The following TFF2 variants were observed in gnomAD, a reference collection of about 807,000 sequenced individuals.
The protein encoded by TFF2 is trefoil factor 2.
TFF2 carries 19 observed loss-of-function variants against 16.0 expected under a neutral mutation model. That is an observed-to-expected ratio of 1.19 (90% CI 0.83 to 1.74). The LOEUF is 1.74. TFF2 is among the 40% of genes most tolerant of loss of function. The probability of loss-of-function intolerance (pLI) is 0.00; values close to 1 mark genes in which losing one functional copy is unlikely to be tolerated. For missense variants in TFF2, 168 were observed against 166.8 expected (o/e 1.01, Z -0.04); for synonymous variants, 61 against 65.4 (o/e 0.93, Z 0.32).
At chr21:42,348,532 G>C (rs1196216853) in intron 2 of TFF2, among the ~76,000 whole-genome samples, 1 of 152,148 alleles carries the variant, frequency 6.6e-6, no homozygotes, top group East Asian at 1.9e-4. Context: ...AGGGTAGGTG[G>C]GAAATTTTCA....
chr21:42,347,718 G>A, intron 2 of TFF2, 86 bp from the exon 3 acceptor site: 1 of 1,518,442 alleles, frequency 6.6e-7, no homozygotes, highest in Non-Finnish European at 8.9e-7. Context: ...TGAGAGCAGC[G>A]CTGATTTGCA....
intron 3 of TFF2, among the ~76,000 whole-genome samples, chr21:42,347,158 T>G (rs866243509): frequency 2.3e-4 from 35 of 152,184 alleles, no homozygotes; most frequent in African/African-American, 8.4e-4. Flanking sequence ...AGACACTCAG[T>G]AGCCTCCAAA....
chr21:42,349,743 G>A (rs2052100748), intron 2 of TFF2, 138 bp downstream of exon 2: 4 of 874,944 alleles, frequency 4.6e-6, no homozygotes, highest in Non-Finnish European at 1.7e-6. Context: ...ACCAACCGGG[G>A]CTAGCTCGAG....
chr21:42,348,903 A>T lies in TFF2; in HGVS notation c.229+978T>A, dbSNP rs2052090857. On this transcript the variant is annotated intron_variant, in intron 2 of 3. Coordinates refer to ENST00000291526, the MANE Select transcript of TFF2 (RefSeq NM_005423.5). ...ACTAACCAACCTGGGCTAGCCCTAG[A>T]CTACCTCTAGACTAGCAGTCCTCTA... Among the ~76,000 whole-genome samples, 4 of 151,464 alleles carry T rather than the reference A, an allele frequency of 2.6e-5. 1 individual carries two copies. The South Asian group carries it at 8.4e-4, about 32-fold the overall frequency.
Position 42,349,920 on chromosome 21 carries a change from T to C in TFF2, c.190A>G (p.Thr64Ala). Residue 64 changes from threonine to alanine, a missense_variant, in exon 2 of 4, where the codon ACT (threonine) becomes GCT (alanine). Thr to Ala is a moderately conservative substitution (Grantham distance 58). Transcript: ENST00000291526. The stretch of plus-strand genomic sequence containing the variant: ...GGGTGGAAACACCAGGGGACCCCAG[T>C]GACACTGGAGTCGAAACAGCATCCA... ...DNGCCFDSSV[T>A]GVPWCFHPLP... The C allele has an allele frequency of 6.2e-7, 1 of 1,601,522 alleles. No individual in the cohort carries two copies. The highest frequency in any genetic ancestry group is 8.5e-7 in the Non-Finnish European group (1 of 1,173,952).
intron 1 of TFF2, among the ~76,000 whole-genome samples, chr21:42,350,668 C>T (rs557920008): frequency 2.6e-5 from 4 of 152,292 alleles, no homozygotes; most frequent in African/African-American, 9.6e-5. Context: ...ACACGGGGCC[C>T]GCTGACACCT....
Position 42,349,876 on chromosome 21 carries a change from A to AT in TFF2, c.229+4dup. The AT allele has an allele frequency of 6.3e-7, 1 of 1,590,366 alleles. No individual in the cohort carries two copies. The highest frequency in any genetic ancestry group is 1.1e-5 in the South Asian group (1 of 87,456). ...CTGGCCCAGGAAGATTCCCTGGAAG[A>AT]TTACCTTGCTTTGGGAGGGGGTGGA... is the stretch of plus-strand genomic sequence containing the variant. On this transcript the variant is annotated splice_donor_region_variant and intron_variant, in intron 2 of 3. Coordinates refer to ENST00000291526, the MANE Select transcript of TFF2 (RefSeq NM_005423.5).
intron 1 of TFF2, chr21:42,350,370 T>G: frequency 4.7e-6 from 1 of 210,892 alleles, no homozygotes; most frequent in Non-Finnish European, 8.6e-6. Context: ...CTACAAACAA[T>G]ACAAAAAAAA....
Position 42,349,945 on chromosome 21 carries a change from A to T in TFF2, c.165T>A (p.Asn55Lys). The change falls in exon 2 of 4, where the codon AAT becomes AAA. Residue 55 changes from asparagine (N) to lysine (K), a missense_variant. Coordinates refer to ENST00000291526, the MANE Select transcript of TFF2 (RefSeq NM_005423.5). ...PGITSDQCFD[N>K]GCCFDSSVTG... The stretch of plus-strand genomic sequence containing the variant: ...TGACACTGGAGTCGAAACAGCATCC[A>T]TTGTCAAAACACTGGTCACTGGTGA... 2 of 1,600,556 alleles carry T rather than the reference A, an allele frequency of 1.2e-6. No individual in the cohort carries two copies. The highest frequency in any genetic ancestry group is 2.3e-5 in the South Asian group (2 of 88,380).
At chr21:42,350,119 C>CT (rs2052104760) in intron 1 of TFF2, 89 bp from the exon 2 acceptor site, 1 of 1,456,022 alleles carries the variant, frequency 6.9e-7, no homozygotes, top group Non-Finnish European at 9.1e-7. Context: ...CCTCTACTGT[C>CT]TTGTTGCCAC....
Position 42,350,109 on chromosome 21 carries a change from C to T in TFF2, c.80-79G>A, listed in dbSNP as rs1199574270. 24 of 1,491,408 alleles carry T rather than the reference C, an allele frequency of 1.6e-5. No homozygotes were observed. The East Asian group carries it at 5.9e-4, about 37-fold the overall frequency. The allele number at this position is 1,491,408 out of a possible 1,614,324, so 92.4% of individuals were successfully genotyped here. A position where few individuals can be genotyped will look rare whatever the true frequency, so the allele number is the denominator to read the frequency against. ...CTTCTCTCAGAGGTTCTAGGGGATGCCTCTACTGTCTTGTTGCCACATAGA... is the reference window on the plus strand; with the variant it reads ...CTTCTCTCAGAGGTTCTAGGGGATGTCTCTACTGTCTTGTTGCCACATAGA... On this transcript the variant is annotated intron_variant, in intron 1 of 3. Coordinates refer to ENST00000291526, the MANE Select transcript of TFF2 (RefSeq NM_005423.5).
intron 3 of TFF2, 136 bp from the exon 4 acceptor site, chr21:42,346,682 G>A (rs748133014): frequency 1.0e-6 from 1 of 983,374 alleles, no homozygotes; most frequent in African/African-American, 1.7e-5. Context: ...CCGGGGAGGG[G>A]GTGTAAAGGG....
rs143520404 is a variant in TFF2, at chr21:42,347,493, A to G, written c.369T>C (p.Ser123=). Residue 123 remains serine (S), a synonymous_variant, in exon 3 of 4, where the codon TCT becomes TCC. Coordinates refer to ENST00000291526, the MANE Select transcript of TFF2 (RefSeq NM_005423.5). The part of the protein sequence containing the change: ...FEVPWCFFPK[S]VEDCHY ...GTCCCACAGCGACGTTACCTTCCAC[A>G]GACTTCGGGAAGAAGCACCAGGGCA... 6.2e-4 allele frequency: 1,006 copies of G among 1,614,140 alleles called. 8 individuals carry two copies. In the African/African-American group the frequency reaches 0.011, roughly 18 times the overall value.
chr21:42,347,584 T>TA lies in TFF2; in HGVS notation c.277dup (p.Tyr93LeufsTer22), dbSNP rs1421663504. On this transcript the variant is annotated frameshift_variant, in exon 3 of 4. Coordinates refer to ENST00000291526, the MANE Select transcript of TFF2 (RefSeq NM_005423.5). LOFTEE classifies it high-confidence loss of function. ...GCATTCCTCGGGGCTGATGCCCGGGTAGCCACAGTTTCTTCGGTCTGAGAC... is the reference window on the plus strand; with the variant it reads ...GCATTCCTCGGGGCTGATGCCCGGGTAAGCCACAGTTTCTTCGGTCTGAGAC... The TA allele has an allele frequency of 1.9e-6, 3 of 1,614,014 alleles. No individual in the cohort carries two copies.
At position 42,349,984 on chromosome 21, in the gene TFF2, G is replaced by T. The variant is rs780592402; in HGVS notation, c.126C>A (p.Cys42Ter). ...SRLSPHNRTN[C>*]GFPGITSDQC... is the part of the protein sequence containing the mutation. The stretch of plus-strand genomic sequence containing the variant: ...GGTCACTGGTGATTCCAGGGAAGCC[G>T]CAGTTCGTCCTGTTATGGGGGCTCA... Residue 42 changes from cysteine (C) to a stop codon, truncating the protein, a stop_gained, in exon 2 of 4, where the codon TGC becomes TGA. Coordinates refer to ENST00000291526, the MANE Select transcript of TFF2 (RefSeq NM_005423.5). LOFTEE classifies it high-confidence loss of function. The T allele has an allele frequency of 2.5e-6, 4 of 1,599,912 alleles. No homozygotes were observed. Among genetic ancestry groups the T allele is most frequent in the Non-Finnish European group, 3.4e-6 (4 of 1,172,942 alleles).
chr21:42,346,656 A>G, intron 3 of TFF2, 110 bp from the exon 4 acceptor site: 1 of 1,226,888 alleles, frequency 8.2e-7, no homozygotes, highest in Non-Finnish European at 1.1e-6. Flanking sequence ...TTCCTACTGA[A>G]GAAGGAGCTC....
intron 2 of TFF2, among the ~76,000 whole-genome samples, chr21:42,349,370 TAGACTAACCAACCTGGGCTAGCCCC>T (rs2052095475): frequency 9.1e-6 from 1 of 109,996 alleles, no homozygotes; most frequent in African/African-American, 3.4e-5. Flanking sequence ...ACACTAGCCC[TAGACTAACCAACCTGGGCTAGCCCC>T]AGACTAACCA....
intron 2 of TFF2, among the ~76,000 whole-genome samples, chr21:42,347,933 TG>T (rs913191507): frequency 2.6e-5 from 4 of 152,120 alleles, no homozygotes; most frequent in African/African-American, 9.7e-5. Flanking sequence ...TCCCCCGCCT[TG>T]GGGAAATCAT....
Position 42,350,000 on chromosome 21 carries a change from T to C in TFF2, c.110A>G (p.His37Arg), listed in dbSNP as rs2146394585. ...AGGGAAGCCGCAGTTCGTCCTGTTA[T>C]GGGGGCTCAGCCTGGAGCACTGGCA... is the stretch of plus-strand genomic sequence containing the variant. ...SPCQCSRLSPHNRTNCGFPGI... is the reference protein window; with the variant it reads ...SPCQCSRLSPRNRTNCGFPGI... Residue 37 changes from histidine (H) to arginine (R), a missense_variant, in exon 2 of 4, where the codon CAT becomes CGT. Coordinates refer to ENST00000291526, the MANE Select transcript of TFF2 (RefSeq NM_005423.5). The C allele has an allele frequency of 1.2e-6, 2 of 1,600,726 alleles. No individual in the cohort carries two copies. The highest frequency in any genetic ancestry group is 1.7e-6 in the Non-Finnish European group (2 of 1,173,494).
Sources: gnomAD v4.1 joint callset for allele counts (sites outside exome capture counted in the v4.1 genomes callset) on GRCh38, gnomAD v4.1.1 for gene constraint, MANE v1.5 for transcripts, NCBI Gene and HGNC (gene_info 2026-07-23, HGNC 2026-07-21) for gene names.